The following ABCB4 variants were observed in gnomAD, a reference collection of about 807,000 sequenced individuals.
ABCB4 encodes phosphatidylcholine translocator ABCB4.
A neutral mutation model predicts 145.7 loss-of-function variants in ABCB4; 76 were observed. The ratio of observed to expected loss-of-function variants is 0.52; its 90% confidence interval spans 0.43 to 0.63. The LOEUF (loss-of-function observed/expected upper bound fraction) is 0.63. Ranked by LOEUF, ABCB4 falls within the 30% of genes least tolerant of loss-of-function variation. The probability of loss-of-function intolerance (pLI) is 0.00; values close to 1 mark genes in which losing one functional copy is unlikely to be tolerated. For missense variants in ABCB4, 1,234 were observed against 1,553.1 expected, an observed-to-expected ratio of 0.79 and a Z score of 3.45; for synonymous variants, 517 against 566.8, an observed-to-expected ratio of 0.91 and a Z score of 1.25.
the ABCB4 span, among the ~76,000 whole-genome samples, chr7:87,380,139 A>G: frequency 1.5e-5 from 2 of 129,318 alleles, no homozygotes; most frequent in African/African-American, 5.3e-5. Flanking sequence ...AAAAATAAGC[A>G]TATGTACTGT....
chr7:87,474,764 C>A (rs1386674875), intron 2 of ABCB4, among the ~76,000 whole-genome samples: 1 of 152,128 alleles, frequency 6.6e-6, no homozygotes, highest in Admixed American at 6.5e-5. Flanking sequence ...CCAGGGGAAC[C>A]GAGAAAGACA....
intron 4 of ABCB4, among the ~76,000 whole-genome samples, chr7:87,459,736 T>G (rs535710753): frequency 6.6e-6 from 1 of 152,304 alleles, no homozygotes; most frequent in African/African-American, 2.4e-5. Flanking sequence ...CTACATTATT[T>G]CACAGATATT....
At chr7:87,375,872 GT>G in the ABCB4 span, 1 of 1,613,434 alleles carries the variant, frequency 6.2e-7, no homozygotes, top group Non-Finnish European at 8.5e-7. Context: ...ACTTGGCTTT[GT>G]TAGAAAAAAT....
At chr7:87,408,827 A>G (rs183193189) in intron 24 of ABCB4, among the ~76,000 whole-genome samples, 1 of 152,332 alleles carries the variant, frequency 6.6e-6, no homozygotes, top group African/African-American at 2.4e-5. Flanking sequence ...CTTTATAGAT[A>G]ATAAAGCACA....
Position 87,431,604 on chromosome 7 carries a change from T to C in ABCB4, c.1732-39A>G, listed in dbSNP as rs141424866. 8.2e-3 allele frequency: 13,292 copies of C among 1,612,886 alleles called. 103 individuals carry two copies. The highest frequency in any genetic ancestry group is 7.9e-3 in the Non-Finnish European group (9,336 of 1,179,128). The stretch of plus-strand genomic sequence containing the variant: ...AATGTGGTGCATCAGGGTTACAGTA[T>C]TGGCACACTGTCAATTAACATGCAC... On this transcript the variant is annotated intron_variant, in intron 14 of 27. Transcript: ENST00000649586.
downstream of ABCB4, among the ~76,000 whole-genome samples, chr7:87,397,973 C>G (rs957490841): frequency 3.3e-5 from 5 of 152,194 alleles, no homozygotes; most frequent in Admixed American, 6.5e-5. Flanking sequence ...GGCCACTTTT[C>G]TCACTTGCCA....
the ABCB4 span, chr7:87,377,401 C>T: frequency 9.9e-6 from 16 of 1,611,514 alleles, no homozygotes; most frequent in Non-Finnish European, 1.4e-5. Context: ...GGTGACAAAT[C>T]CTATAACTTG....
At chr7:87,443,255 C>T in intron 12 of ABCB4, 64 bp downstream of exon 12, 2 of 1,609,798 alleles carry the variant, frequency 1.2e-6, no homozygotes, top group East Asian at 4.5e-5. Flanking sequence ...ACTGAAAAAC[C>T]AATTTCAAAG....
intron 15 of ABCB4, among the ~76,000 whole-genome samples, chr7:87,427,483 G>C (rs1163143420): frequency 6.6e-6 from 1 of 152,116 alleles, no homozygotes; most frequent in East Asian, 1.9e-4. Flanking sequence ...CTTTTTAATG[G>C]GAATGGGGGT....
At chr7:87,404,334 C>A (rs1355276897) in intron 26 of ABCB4, among the ~76,000 whole-genome samples, 1 of 152,078 alleles carries the variant, frequency 6.6e-6, no homozygotes, top group Non-Finnish European at 1.5e-5. Context: ...CTCAAGCCAT[C>A]CTTCCAGGGC....
the ABCB4 span, among the ~76,000 whole-genome samples, chr7:87,383,418 C>T: frequency 7.2e-5 from 11 of 152,038 alleles, no homozygotes; most frequent in Admixed American, 6.6e-4. Flanking sequence ...CAGCCTTACC[C>T]ATGTTGCTGC....
the ABCB4 span, among the ~76,000 whole-genome samples, chr7:87,386,917 A>C: frequency 1.4e-4 from 21 of 152,092 alleles, no homozygotes; most frequent in African/African-American, 5.1e-4. Flanking sequence ...TTGAAGCAGG[A>C]ATGATTTTTC....
chr7:87,422,766 A>C (rs752415140), intron 17 of ABCB4, among the ~76,000 whole-genome samples: 1 of 152,040 alleles, frequency 6.6e-6, no homozygotes, highest in Non-Finnish European at 1.5e-5. Flanking sequence ...CCCCCAGCTA[A>C]CACCTCTCTA....
At chr7:87,385,092 T>C in the ABCB4 span, among the ~76,000 whole-genome samples, 1 of 152,140 alleles carries the variant, frequency 6.6e-6, no homozygotes, top group Non-Finnish European at 1.5e-5. Flanking sequence ...TTGGTTACTA[T>C]AGTTTGGCGG....
At position 87,431,529 on chromosome 7, in the gene ABCB4, G is replaced by A. The variant is rs1293893301; in HGVS notation, c.1768C>T (p.Arg590Ter). Residue 590 changes from arginine to a stop codon, truncating the protein, a stop_gained, in exon 15 of 28, where the codon CGA becomes TGA. Transcript: ENST00000649586. LOFTEE classifies it high-confidence loss of function. The part of the protein sequence containing the change: ...EGRTTIVIAH[R>*]LSTVRNADVI... ...TCTGCATTTCGGACCGTAGACAGTC[G>A]GTGTGCTATCACAATGGTGGTCCGG... is the stretch of plus-strand genomic sequence containing the variant. 2.5e-6 allele frequency: 4 copies of A among 1,613,924 alleles called. No homozygotes were observed. Among genetic ancestry groups the A allele is most frequent in the Non-Finnish European group, 3.4e-6 (4 of 1,179,974 alleles).
At chr7:87,470,309 T>G (rs564851979) in intron 3 of ABCB4, among the ~76,000 whole-genome samples, 5 of 152,178 alleles carry the variant, frequency 3.3e-5, no homozygotes, top group East Asian at 1.9e-4. Flanking sequence ...ATAGGCATGG[T>G]CAAGGAGTTC....
chr7:87,382,816 C>T, the ABCB4 span, among the ~76,000 whole-genome samples: 1 of 152,060 alleles, frequency 6.6e-6, no homozygotes, highest in Admixed American at 6.6e-5. Context: ...GCATTCAGAT[C>T]GCTTGGTTTT....
intron 14 of ABCB4, among the ~76,000 whole-genome samples, chr7:87,436,861 G>A (rs1810643324): frequency 6.6e-6 from 1 of 152,162 alleles, no homozygotes; most frequent in African/African-American, 2.4e-5. Flanking sequence ...ACTCTATGTT[G>A]AGAGTATGTG....
the ABCB4 span, among the ~76,000 whole-genome samples, chr7:87,368,484 A>C: frequency 6.6e-6 from 1 of 152,186 alleles, no homozygotes; most frequent in African/African-American, 2.4e-5. Context: ...AGGAAAACAC[A>C]TATCTCATCC....
Sources: gnomAD v4.1 joint callset for allele counts (sites outside exome capture counted in the v4.1 genomes callset) on GRCh38, gnomAD v4.1.1 for gene constraint, MANE v1.5 for transcripts, NCBI Gene and HGNC (gene_info 2026-07-23, HGNC 2026-07-21) for gene names.